The following LRRC8C variants were observed in gnomAD, a reference collection of about 807,000 sequenced individuals.
LRRC8C encodes the protein leucine rich repeat containing 8 VRAC subunit C, also known as volume-regulated anion channel subunit LRRC8C.
Under a neutral mutation model 55.3 loss-of-function variants are expected in LRRC8C, and 20 were observed. The ratio of observed to expected loss-of-function variants is 0.36; its 90% confidence interval spans 0.25 to 0.53. The LOEUF (loss-of-function observed/expected upper bound fraction) is 0.53. LRRC8C is among the 20% of genes least tolerant of loss of function. The probability of loss-of-function intolerance (pLI) is 0.92; values close to 1 mark genes in which losing one functional copy is unlikely to be tolerated. For synonymous variants in LRRC8C, 376 were observed against 360.7 expected, an observed-to-expected ratio of 1.04 and a Z score of -0.48; for missense variants, 659 against 951.4, an observed-to-expected ratio of 0.69 and a Z score of 4.04.
intron 2 of LRRC8C, among the ~76,000 whole-genome samples, chr1:89,711,843 A>C (rs756095496): frequency 3.9e-5 from 6 of 152,196 alleles, no homozygotes; most frequent in East Asian, 1.9e-4. Context: ...GTATTTTTTT[A>C]TCTCTCTCTG....
chr1:89,698,454 C>G (rs1658230773), intron 2 of LRRC8C, among the ~76,000 whole-genome samples: 1 of 152,036 alleles, frequency 6.6e-6, no homozygotes, highest in African/African-American at 2.4e-5. Context: ...GTTATTTGTT[C>G]TGTATAATGA....
the LRRC8C span, among the ~76,000 whole-genome samples, chr1:89,620,778 T>C: frequency 1.3e-5 from 2 of 152,226 alleles, no homozygotes; most frequent in Non-Finnish European, 2.9e-5. Context: ...CTTAAACTTC[T>C]TAATTCACTC....
intron 2 of LRRC8C, among the ~76,000 whole-genome samples, chr1:89,699,420 T>C (rs946619998): frequency 1.3e-5 from 2 of 152,140 alleles, no homozygotes; most frequent in African/African-American, 2.4e-5. Flanking sequence ...TTGTAACAAA[T>C]GTACCACTGT....
At chr1:89,678,635 T>G (rs186651558) in intron 1 of LRRC8C, among the ~76,000 whole-genome samples, 1,557 of 150,894 alleles carry the variant, frequency 0.01, 41 homozygotes, top group African/African-American at 0.036. Flanking sequence ...GGGAGGCAGA[T>G]ATTGCAGTGA....
intron 1 of LRRC8C, among the ~76,000 whole-genome samples, chr1:89,652,332 A>G: frequency 6.6e-6 from 1 of 152,200 alleles, no homozygotes; most frequent in East Asian, 1.9e-4. Context: ...TTCCAGGGGT[A>G]TGAAAAGGTC....
At chr1:89,619,326 T>A in the LRRC8C span, among the ~76,000 whole-genome samples, 29,777 of 151,746 alleles carry the variant, frequency 0.2, 3,098 homozygotes, top group Admixed American at 0.28. Context: ...TTTTAGTGTA[T>A]CATGGGTGAT....
chr1:89,714,006 T>C lies in LRRC8C; in HGVS notation c.1436T>C (p.Val479Ala). The change falls in exon 3 of 3, where the codon GTC becomes GCC. Residue 479 changes from valine to alanine, a missense_variant. Val to Ala is a moderately conservative substitution (Grantham distance 64). Coordinates refer to ENST00000370454, the MANE Select transcript of LRRC8C (RefSeq NM_032270.5). The surrounding 1 kb of genome is among the most constrained non-coding windows in gnomAD (Gnocchi z 4.6). ...GAGCTCTCTCTGCACCAGTGTTCTG[T>C]CAAAATCCACAGTGCGGCGCTCTCT... ...LQELSLHQCS[V>A]KIHSAALSFL... The C allele has an allele frequency of 1.2e-6, 2 of 1,613,360 alleles. No individual in the cohort carries two copies. The highest frequency in any genetic ancestry group is 1.7e-6 in the Non-Finnish European group (2 of 1,180,022).
rs529178486 is a variant in LRRC8C, at chr1:89,710,605, C to T, written c.139-2104C>T. ...AGCCACCAAATCCTCTAAATGCAATCACATTTGTTGTTCTTACCTGCATTC... is the reference window on the plus strand; with the variant it reads ...AGCCACCAAATCCTCTAAATGCAATTACATTTGTTGTTCTTACCTGCATTC... On this transcript the variant is annotated intron_variant, in intron 2 of 2. Coordinates refer to ENST00000370454, the MANE Select transcript of LRRC8C (RefSeq NM_032270.5). 4.6e-5 allele frequency among the ~76,000 whole-genome samples: 7 copies of T among 152,310 alleles called. No individual in the cohort carries two copies. The South Asian group carries it at 1.5e-3, about 32-fold the overall frequency.
In LRRC8C at chr1:89,713,208, T is replaced by C; in HGVS notation, c.638T>C (p.Leu213Ser). 1.9e-6 allele frequency: 3 copies of C among 1,614,164 alleles called. No individual in the cohort carries two copies. Among genetic ancestry groups the C allele is most frequent in the Non-Finnish European group, 2.5e-6 (3 of 1,180,026 alleles). The change falls in exon 3 of 3, where the codon TTA becomes TCA. Residue 213 changes from leucine (L) to serine (S), a missense_variant. Leu to Ser is a moderately radical substitution (Grantham distance 145). Transcript: ENST00000370454. This position sits in a 1 kb window ranked among gnomAD's most constrained non-coding sequence, Gnocchi z 5.2. ...PEDSLVNSQSLKSIPEKFVVD... is the reference protein window; with the variant it reads ...PEDSLVNSQSSKSIPEKFVVD... The stretch of plus-strand genomic sequence containing the variant: ...GACAGCCTGGTCAACTCTCAGTCTT[T>C]AAAGTCCATTCCTGAGAAGTTTGTA...
chr1:89,626,396 C>T, the LRRC8C span: 1 of 152,128 alleles, frequency 6.6e-6, no homozygotes, highest in Non-Finnish European at 1.5e-5. Flanking sequence ...CTGAAGATAG[C>T]ATTAGACCCC....
At chr1:89,652,945 A>G (rs547718501) in intron 1 of LRRC8C, among the ~76,000 whole-genome samples, 2 of 152,130 alleles carry the variant, frequency 1.3e-5, no homozygotes, top group South Asian at 4.2e-4. Context: ...AAATATAAAT[A>G]TGTTCCCCTG....
the LRRC8C span, chr1:89,626,760 C>CTA: frequency 6.6e-6 from 1 of 152,104 alleles, no homozygotes; most frequent in Non-Finnish European, 1.5e-5. Context: ...ACACCTACCC[C>CTA]TACAGCAGGT....
At chr1:89,633,827 C>T (rs1656204655) in intron 1 of LRRC8C, among the ~76,000 whole-genome samples, 1 of 152,218 alleles carries the variant, frequency 6.6e-6, no homozygotes, top group South Asian at 2.1e-4. Flanking sequence ...CGTGAGAGCA[C>T]CGTGTGCTCA....
intron 2 of LRRC8C, among the ~76,000 whole-genome samples, chr1:89,710,706 ACCT>A (rs1658627388): frequency 6.6e-6 from 1 of 152,112 alleles, no homozygotes; most frequent in South Asian, 2.1e-4. Context: ...TTGTGGTGAA[ACCT>A]CCTCTCTTCC....
At chr1:89,662,398 TCA>T (rs1199393859) in intron 1 of LRRC8C, among the ~76,000 whole-genome samples, 1 of 152,122 alleles carries the variant, frequency 6.6e-6, no homozygotes, top group African/African-American at 2.4e-5. Flanking sequence ...TTTCGCTTTT[TCA>T]CAGAGTGAGA....
At chr1:89,674,297 A>G (rs1030681770) in intron 1 of LRRC8C, among the ~76,000 whole-genome samples, 2 of 152,186 alleles carry the variant, frequency 1.3e-5, no homozygotes, top group African/African-American at 4.8e-5. Context: ...GAGCCTTCCT[A>G]TAAAGAAACT....
rs1658854952 is a variant in LRRC8C at position 89,717,269 on chromosome 1, A to C, written c.*2287A>C. On this transcript the variant is annotated 3_prime_UTR_variant, in exon 3 of 3. Coordinates refer to ENST00000370454, the MANE Select transcript of LRRC8C (RefSeq NM_032270.5). ...CTGGGTGCACTATTTTTCTGGATAA[A>C]ATTTATAGTTATTTTCTATATTACC... 6.6e-6 allele frequency: 1 copy of C among 152,150 alleles called. No individual in the cohort carries two copies. Among genetic ancestry groups the C allele is most frequent in the African/African-American group, 2.4e-5 (1 of 41,428 alleles). The allele number at this position is 152,150 out of a possible 1,614,324, so 9.4% of individuals were successfully genotyped here.
At chr1:89,631,639 T>G (rs1656110815), upstream of LRRC8C, 1 of 152,114 alleles carries the variant, frequency 6.6e-6, no homozygotes, top group Admixed American at 6.5e-5. Context: ...AGCCTTTGCC[T>G]TTTTCCCAGA....
rs184887111 is a variant in LRRC8C, at chr1:89,658,935, A to T, written c.-5+25613A>T. Among the ~76,000 whole-genome samples the T allele has an allele frequency of 2.3e-3, 344 of 152,252 alleles. 2 individuals are homozygous for T. The highest frequency in any genetic ancestry group is 7.1e-3 in the African/African-American group (296 of 41,550). On this transcript the variant is annotated intron_variant, in intron 1 of 2. Coordinates refer to ENST00000370454, the MANE Select transcript of LRRC8C (RefSeq NM_032270.5). ...CTAATGGAAAAGCAAACAAATTTTT[A>T]AAAAAAGTATCTGAGTATGTGTATA...
Sources: gnomAD v4.1 joint callset for allele counts (sites outside exome capture counted in the v4.1 genomes callset) on GRCh38, gnomAD v4.1.1 for gene constraint, Gnocchi (gnomAD v3.1) non-coding constraint, MANE v1.5 for transcripts, NCBI Gene and HGNC (gene_info 2026-07-23, HGNC 2026-07-21) for gene names.